DOCK10: variants seen among roughly 807,000 people sequenced by gnomAD.
DOCK10 encodes the protein dedicator of cytokinesis 10.
DOCK10 carries 145 observed loss-of-function variants against 280.1 expected under a neutral mutation model. That is an observed-to-expected ratio of 0.52 (90% CI 0.45 to 0.59). The LOEUF is 0.59. Among genes scored for constraint, DOCK10 ranks in the 20% least tolerant of loss-of-function variants. The pLI is 0.00. For missense variants in DOCK10, 2,368 were observed against 2,651.7 expected (o/e 0.89, Z 2.35); for synonymous variants, 915 against 942.2 (o/e 0.97, Z 0.53).
chr2:224,779,108 A>G (rs1467854932), intron 50 of DOCK10, among the ~76,000 whole-genome samples: 2 of 152,144 alleles, frequency 1.3e-5, no homozygotes, highest in Non-Finnish European at 2.9e-5. Context: ...AAGTGAAGCA[A>G]TCTTTATAAT....
chr2:224,901,289 C>G (rs1245405966), intron 3 of DOCK10, among the ~76,000 whole-genome samples: 1 of 152,140 alleles, frequency 6.6e-6, no homozygotes, highest in Non-Finnish European at 1.5e-5. Context: ...GACAATGACT[C>G]CAATTTTCCC....
chr2:224,828,619 T>A (rs1695020264), intron 27 of DOCK10, among the ~76,000 whole-genome samples: 1 of 152,138 alleles, frequency 6.6e-6, no homozygotes, highest in Admixed American at 6.5e-5. Flanking sequence ...TTCCCATCTG[T>A]TGGCAGGAGG....
chr2:224,876,744 G>A (rs1698654900), intron 7 of DOCK10, among the ~76,000 whole-genome samples: 1 of 152,038 alleles, frequency 6.6e-6, no homozygotes, highest in African/African-American at 2.4e-5. Context: ...CCTTCCTTCA[G>A]TTGCCACGAG....
At chr2:224,991,628 G>C (rs1469673311) in intron 1 of DOCK10, among the ~76,000 whole-genome samples, 1 of 152,152 alleles carries the variant, frequency 6.6e-6, no homozygotes, top group Non-Finnish European at 1.5e-5. Flanking sequence ...GGACAAGGGA[G>C]AGGTGGGACA....
chr2:225,020,314 A>G (rs1689751768), intron 1 of DOCK10, among the ~76,000 whole-genome samples: 1 of 152,204 alleles, frequency 6.6e-6, no homozygotes, highest in South Asian at 2.1e-4. Flanking sequence ...TGCTGTCAAT[A>G]TAGTCTATAG....
At chr2:224,819,883 A>C (rs375859301) in intron 28 of DOCK10, among the ~76,000 whole-genome samples, 1 of 152,246 alleles carries the variant, frequency 6.6e-6, no homozygotes, top group Admixed American at 6.5e-5. Context: ...TTGATTTTAT[A>C]AAATGTCACT....
intron 1 of DOCK10, among the ~76,000 whole-genome samples, chr2:224,984,840 CTTT>C (rs35558535): frequency 3.2e-4 from 32 of 99,922 alleles, no homozygotes; most frequent in Non-Finnish European, 3.7e-4. Flanking sequence ...ACACAGGAAA[CTTT>C]TTTTTTTTTT....
intron 3 of DOCK10, among the ~76,000 whole-genome samples, chr2:224,897,149 C>T (rs1700034615): frequency 6.6e-6 from 1 of 152,158 alleles, no homozygotes; most frequent in South Asian, 2.1e-4. Flanking sequence ...CAATCTTTTC[C>T]ATTTTGTATC....
At chr2:225,035,565 TA>T (rs1258076630) in intron 1 of DOCK10, among the ~76,000 whole-genome samples, 6 of 54,872 alleles carry the variant, frequency 1.1e-4, no homozygotes, top group Non-Finnish European at 2.3e-4. Flanking sequence ...TATATATATA[TA>T]TATATATATA....
chr2:224,895,304 T>C (rs1183794801), intron 4 of DOCK10, among the ~76,000 whole-genome samples: 1 of 152,236 alleles, frequency 6.6e-6, no homozygotes, highest in Non-Finnish European at 1.5e-5. Context: ...GTACCATGTG[T>C]CTATTAAAAA....
In DOCK10 at chr2:224,874,154, A is replaced by G. The variant is rs766501191; in HGVS notation, c.1102-3T>C. On this transcript the variant is annotated splice_polypyrimidine_tract_variant and splice_region_variant and intron_variant, in intron 10 of 55. Transcript: ENST00000258390. The stretch of plus-strand genomic sequence containing the variant: ...TCTTTTTTTTGAAGTTTCAAGGTCT[A>G]AAAAAGTTTTGAATGAGTCACCAAA... The G allele has an allele frequency of 1.3e-6, 2 of 1,584,566 alleles. No individual in the cohort carries two copies. The highest frequency in any genetic ancestry group is 8.6e-7 in the Non-Finnish European group (1 of 1,166,052).
chr2:224,859,661 T>G (rs1277191842), intron 14 of DOCK10, among the ~76,000 whole-genome samples: 1 of 152,252 alleles, frequency 6.6e-6, no homozygotes, highest in East Asian at 1.9e-4. Context: ...TTGTCAGTTC[T>G]ACTCTTCTAA....
At chr2:224,881,905 G>A (rs915346760) in intron 7 of DOCK10, among the ~76,000 whole-genome samples, 4 of 152,186 alleles carry the variant, frequency 2.6e-5, no homozygotes, top group Admixed American at 2.0e-4. Flanking sequence ...AGCTGCATCT[G>A]TTTCTCACAC....
chr2:224,941,987 T>C (rs1238770533), intron 1 of DOCK10, among the ~76,000 whole-genome samples: 1 of 152,114 alleles, frequency 6.6e-6, no homozygotes, highest in African/African-American at 2.4e-5. Flanking sequence ...AATCAAAAAG[T>C]TTTGTACCAC....
At chr2:224,840,252 C>G (rs1450788755) in intron 23 of DOCK10, 180 bp from the exon 24 acceptor site, 1 of 495,054 alleles carries the variant, frequency 2.0e-6, no homozygotes, top group Non-Finnish European at 3.6e-6. Flanking sequence ...TGAAAACAGA[C>G]AAATGGCATA....
chr2:224,979,172 G>A (rs1343966385), intron 1 of DOCK10, among the ~76,000 whole-genome samples: 1 of 152,140 alleles, frequency 6.6e-6, no homozygotes, highest in Non-Finnish European at 1.5e-5. Flanking sequence ...CCCAGTTAGT[G>A]GGGTTATAGT....
At chr2:224,920,236 C>CT (rs377415968) in intron 2 of DOCK10, among the ~76,000 whole-genome samples, 3,938 of 126,160 alleles carry the variant, frequency 0.031, 95 homozygotes, top group Admixed American at 0.058. Flanking sequence ...CTAATTTTCA[C>CT]TTTTTTTTTT....
chr2:224,838,022 A>G (rs1695706824), intron 24 of DOCK10, among the ~76,000 whole-genome samples, 191 bp from the exon 25 acceptor site: 1 of 152,210 alleles, frequency 6.6e-6, no homozygotes, highest in Non-Finnish European at 1.5e-5. Flanking sequence ...TATAGCATCA[A>G]TGAGCCATTT....
intron 50 of DOCK10, among the ~76,000 whole-genome samples, chr2:224,782,881 T>G (rs1194522546): frequency 6.6e-6 from 1 of 152,252 alleles, no homozygotes; most frequent in East Asian, 1.9e-4. Context: ...TAAAGCACCA[T>G]TATGAATAAG....
Sources: gnomAD v4.1 joint callset for allele counts (sites outside exome capture counted in the v4.1 genomes callset) on GRCh38, gnomAD v4.1.1 for gene constraint, MANE v1.5 for transcripts, NCBI Gene and HGNC (gene_info 2026-07-23, HGNC 2026-07-21) for gene names.